LHX2: variants seen among roughly 807,000 people sequenced by gnomAD.
LHX2 encodes the protein LIM/homeobox protein Lhx2.
LHX2 carries 6 observed loss-of-function variants against 33.0 expected under a neutral mutation model. The ratio of observed to expected loss-of-function variants is 0.18; its 90% CI spans 0.10 to 0.36. The LOEUF (loss-of-function observed/expected upper bound fraction) is 0.36. Ranked by LOEUF, LHX2 falls within the 10% of genes least tolerant of loss-of-function variation. The pLI is 1.00. For missense variants in LHX2, 442 were observed against 586.2 expected, an observed-to-expected ratio of 0.75 and a Z score of 2.54; for synonymous variants, 292 against 253.1, an observed-to-expected ratio of 1.15 and a Z score of -1.46.
rs1325859438 is a variant in LHX2 at position 124,016,705 on chromosome 9, T to A, written c.727+1180T>A. Reference sequence around the variant, plus strand: ...TGGAGGATCATGGGGCGTGTGTCCCTGTGTGCGGAACTGGGAGGAAAACGC... The same window carrying A: ...TGGAGGATCATGGGGCGTGTGTCCCAGTGTGCGGAACTGGGAGGAAAACGC... On this transcript the variant is annotated intron_variant, in intron 3 of 4. Transcript: ENST00000373615. The surrounding 1 kb of genome is among the most constrained non-coding windows in gnomAD (Gnocchi z 4.4). Among the ~76,000 whole-genome samples the A allele has an allele frequency of 6.6e-6, 1 of 152,180 alleles. No homozygotes were observed.
In LHX2 at chr9:124,013,276, A is replaced by G. The variant is rs573215820; in HGVS notation, c.121-685A>G. On this transcript the variant is annotated intron_variant, in intron 1 of 4. Coordinates refer to ENST00000373615, the MANE Select transcript of LHX2 (RefSeq NM_004789.4). ...GGCGCCAGTGTCCTCCCGGCCTCTG[A>G]GCGCTTCTTCGGTTAGACCTTCTCT... Among the ~76,000 whole-genome samples the G allele has an allele frequency of 2.6e-5, 4 of 152,340 alleles. No individual in the cohort carries two copies. The East Asian group carries it at 7.7e-4, about 29-fold the overall frequency.
chr9:124,018,553 A>G (rs73666365), intron 3 of LHX2, among the ~76,000 whole-genome samples: 11,971 of 151,976 alleles, frequency 0.079, 611 homozygotes, highest in African/African-American at 0.14. Flanking sequence ...TCCCCCGCCA[A>G]TAACGGCTTC....
intron 4 of LHX2, among the ~76,000 whole-genome samples, chr9:124,027,113 GGT>G (rs1286053434): frequency 1.3e-5 from 2 of 152,134 alleles, no homozygotes; most frequent in African/African-American, 2.4e-5. Context: ...ACAGCAAAGT[GGT>G]TCTAGGCCTG....
chr9:124,024,147 G>T (rs1432400363), intron 4 of LHX2, among the ~76,000 whole-genome samples: 2 of 152,248 alleles, frequency 1.3e-5, no homozygotes, highest in African/African-American at 4.8e-5. Flanking sequence ...TGGGGGTGGG[G>T]CATACGTGTA....
chr9:124,013,373 G>A (rs1859127034), intron 1 of LHX2, among the ~76,000 whole-genome samples: 1 of 152,210 alleles, frequency 6.6e-6, no homozygotes, highest in Non-Finnish European at 1.5e-5. Context: ...GGGTGTCCCT[G>A]CACCCCACTT....
chr9:124,015,830 G>A lies in LHX2; in HGVS notation c.727+305G>A, dbSNP rs947826620. Among the ~76,000 whole-genome samples the A allele has an allele frequency of 6.6e-6, 1 of 152,270 alleles. No individual in the cohort carries two copies. Among genetic ancestry groups the A allele is most frequent in the African/African-American group, 2.4e-5 (1 of 41,478 alleles). The stretch of plus-strand genomic sequence containing the variant: ...CCACTTTGCTAGGCAGGAAGTGGCA[G>A]GGATGGAGAAAGCAAGGCGGCGCTG... On this transcript the variant is annotated intron_variant, in intron 3 of 4. Transcript: ENST00000373615. The surrounding 1 kb of genome is among the most constrained non-coding windows in gnomAD (Gnocchi z 7.9).
At chr9:124,027,461 G>A (rs1483347189) in intron 4 of LHX2, among the ~76,000 whole-genome samples, 6 of 152,134 alleles carry the variant, frequency 3.9e-5, no homozygotes, top group Admixed American at 1.3e-4. Flanking sequence ...CACATCTACC[G>A]CATAGGGTTA....
At chr9:124,030,627 CT>C (rs35399092) in intron 4 of LHX2, among the ~76,000 whole-genome samples, 46,537 of 104,888 alleles carry the variant, frequency 0.44, 9,840 homozygotes, top group Admixed American at 0.53. Context: ...TTTTTCTTTT[CT>C]TTTTTTTTTT....
chr9:124,013,911 G>T (rs1342510420), intron 1 of LHX2, 50 bp from the exon 2 acceptor site: 1 of 1,573,466 alleles, frequency 6.4e-7, no homozygotes, highest in Admixed American at 1.7e-5. Flanking sequence ...CGGCGGAGGG[G>T]CCGCTGGCTG....
chr9:124,023,979 G>A (rs1335976153), intron 4 of LHX2, among the ~76,000 whole-genome samples: 3 of 152,162 alleles, frequency 2.0e-5, no homozygotes, highest in African/African-American at 7.2e-5. Context: ...GAAGGCAGAG[G>A]CCCAAATGAT....
At chr9:124,024,415 G>C (rs1419865739) in intron 4 of LHX2, among the ~76,000 whole-genome samples, 1 of 152,274 alleles carries the variant, frequency 6.6e-6, no homozygotes, top group Non-Finnish European at 1.5e-5. Flanking sequence ...GAATCTGGCA[G>C]ACATGGGATG....
At chr9:124,023,603 TAAATG>T (rs1828554767) in intron 4 of LHX2, among the ~76,000 whole-genome samples, 1 of 152,186 alleles carries the variant, frequency 6.6e-6, no homozygotes, top group Admixed American at 6.5e-5. Flanking sequence ...TTATCCAGAT[TAAATG>T]AAATGAAGAG....
chr9:124,018,427 C>T (rs1246713298), intron 3 of LHX2, among the ~76,000 whole-genome samples: 2 of 152,060 alleles, frequency 1.3e-5, no homozygotes, highest in Non-Finnish European at 1.5e-5. Flanking sequence ...CTGGGCCCCA[C>T]GGCTGCCTCC....
In LHX2 at chr9:124,015,422, T is replaced by G. The variant is rs757620430; in HGVS notation, c.624T>G (p.Pro208=). The change falls in exon 3 of 5, where the codon CCT becomes CCG. Residue 208 remains proline, a synonymous_variant. Coordinates refer to ENST00000373615, the MANE Select transcript of LHX2 (RefSeq NM_004789.4). This position sits in a 1 kb window ranked among gnomAD's most constrained non-coding sequence, Gnocchi z 7.9. ...SAGLGAAGAN[P]LGLPYYNGVG... ...GGCTGGGCGCAGCAGGGGCCAACCCTCTGGGTCTTCCCTACTACAATGGCG... is the reference window on the plus strand; with the variant it reads ...GGCTGGGCGCAGCAGGGGCCAACCCGCTGGGTCTTCCCTACTACAATGGCG... 3.1e-6 allele frequency: 5 copies of G among 1,598,690 alleles called. No homozygotes were observed. Among genetic ancestry groups the G allele is most frequent in the East Asian group, 2.2e-5 (1 of 44,568 alleles).
chr9:124,032,454 G>A lies in LHX2; in HGVS notation c.968G>A (p.Arg323His). The change falls in exon 5 of 5, where the codon CGC (arginine) becomes CAC (histidine). Residue 323 changes from arginine (R) to histidine (H), a missense_variant. By Grantham distance (29) the Arg-to-His change is conservative. Around this residue, in one of 5 missense-constraint regions of LHX2, gnomAD observed 32 missense variants for 95.3 expected, o/e 0.34. Coordinates refer to ENST00000373615, the MANE Select transcript of LHX2 (RefSeq NM_004789.4). The surrounding 1 kb of genome is among the most constrained non-coding windows in gnomAD (Gnocchi z 4.1). ...WFQNARAKFR[R>H]NLLRQENTGV... Reference sequence around the variant, plus strand: ...CAGAACGCCCGAGCCAAGTTCAGGCGCAACCTCTTACGGCAGGAAAACACG... The same window carrying A: ...CAGAACGCCCGAGCCAAGTTCAGGCACAACCTCTTACGGCAGGAAAACACG... The A allele has an allele frequency of 6.2e-7, 1 of 1,602,528 alleles. No individual in the cohort carries two copies. The highest frequency in any genetic ancestry group is 8.5e-7 in the Non-Finnish European group (1 of 1,175,230).
intron 4 of LHX2, among the ~76,000 whole-genome samples, chr9:124,031,198 G>A (rs899672248): frequency 5.3e-5 from 8 of 152,052 alleles, no homozygotes; most frequent in African/African-American, 1.7e-4. Flanking sequence ...CCGTTCCCAC[G>A]CTGCCTACCT....
At chr9:124,027,897 G>A (rs1030156164) in intron 4 of LHX2, among the ~76,000 whole-genome samples, 1 of 138,072 alleles carries the variant, frequency 7.2e-6, no homozygotes, top group African/African-American at 2.5e-5. Context: ...ATACCAGAAG[G>A]CATAGTTTTT....
rs1859169002 is a variant in LHX2, at chr9:124,015,418, A to G, written c.620A>G (p.Asn207Ser). The change falls in exon 3 of 5, where the codon AAC (asparagine) becomes AGC (serine). Residue 207 changes from asparagine to serine, a missense_variant. By Grantham distance (46) the Asn-to-Ser change is conservative. Transcript: ENST00000373615. This position sits in a 1 kb window ranked among gnomAD's most constrained non-coding sequence, Gnocchi z 7.9. ...KSAGLGAAGA[N>S]PLGLPYYNGV... Reference sequence around the variant, plus strand: ...GCGGGGCTGGGCGCAGCAGGGGCCAACCCTCTGGGTCTTCCCTACTACAAT... The same window carrying G: ...GCGGGGCTGGGCGCAGCAGGGGCCAGCCCTCTGGGTCTTCCCTACTACAAT... 6.2e-7 allele frequency: 1 copy of G among 1,601,682 alleles called. No individual in the cohort carries two copies. The highest frequency in any genetic ancestry group is 1.1e-5 in the South Asian group (1 of 89,932).
Position 124,032,824 on chromosome 9 carries a change from C to A in LHX2, c.*117C>A. On this transcript the variant is annotated 3_prime_UTR_variant, in exon 5 of 5. Transcript: ENST00000373615. The surrounding 1 kb of genome is among the most constrained non-coding windows in gnomAD (Gnocchi z 4.1). ...ACTAACTAACCACATTTTAGGATCT[C>A]GCCTGGAAACAGAGGTAAAAAAAAG... The A allele has an allele frequency of 8.4e-7, 1 of 1,184,404 alleles. No individual in the cohort carries two copies. The allele number at this position is 1,184,404 out of a possible 1,614,324, so 73.4% of individuals were successfully genotyped here.
Sources: gnomAD v4.1 joint callset for allele counts (sites outside exome capture counted in the v4.1 genomes callset) on GRCh38, gnomAD v4.1.1 for gene constraint, gnomAD v4.1.1 regional missense constraint, Gnocchi (gnomAD v3.1) non-coding constraint, MANE v1.5 for transcripts, NCBI Gene and HGNC (gene_info 2026-07-23, HGNC 2026-07-21) for gene names.